Variants in MNAT1 observed in about 807,000 individuals in gnomAD.
The protein encoded by MNAT1 is CDK-activating kinase assembly factor MAT1.
In MNAT1, 43 loss-of-function variants were observed where a neutral mutation model predicts 42.0. The ratio of observed to expected loss-of-function variants is 1.02; its 90% CI spans 0.80 to 1.32. The LOEUF is 1.32. Among genes scored for constraint, MNAT1 ranks in the 40% most tolerant of loss-of-function variants. The pLI is 0.00. For synonymous variants in MNAT1, 118 were observed against 120.0 expected, an observed-to-expected ratio of 0.98 and a Z score of 0.11; for missense variants, 306 against 350.4, an observed-to-expected ratio of 0.87 and a Z score of 1.01.
chr14:60,921,393 G>T (rs2035656718), intron 7 of MNAT1, among the ~76,000 whole-genome samples: 1 of 152,036 alleles, frequency 6.6e-6, no homozygotes, highest in Non-Finnish European at 1.5e-5. Context: ...GCAAACAGAA[G>T]AAAAATTACC....
intron 1 of MNAT1, among the ~76,000 whole-genome samples, chr14:60,782,564 T>C (rs2031501190): frequency 6.6e-6 from 1 of 152,238 alleles, no homozygotes; most frequent in African/African-American, 2.4e-5. Context: ...TGGTCCTTAC[T>C]GGGTATTCCT....
At chr14:60,891,741 CTG>C (rs1217351136) in intron 7 of MNAT1, among the ~76,000 whole-genome samples, 1 of 152,172 alleles carries the variant, frequency 6.6e-6, no homozygotes, top group African/African-American at 2.4e-5. Context: ...GTGTGAGACA[CTG>C]TGCTTGGTCA....
intron 1 of MNAT1, among the ~76,000 whole-genome samples, chr14:60,754,172 T>C (rs2030225328): frequency 6.6e-6 from 1 of 152,242 alleles, no homozygotes; most frequent in Non-Finnish European, 1.5e-5. Flanking sequence ...TTTTGTGAGA[T>C]AATAAATTGT....
intron 6 of MNAT1, among the ~76,000 whole-genome samples, chr14:60,844,136 C>CCTA (rs2033621553): frequency 6.6e-6 from 1 of 151,984 alleles, no homozygotes; most frequent in South Asian, 2.1e-4. Context: ...GTTTCAATAA[C>CCTA]TTATCTTGAT....
chr14:60,770,997 C>T (rs547038284), intron 1 of MNAT1, among the ~76,000 whole-genome samples: 1 of 152,214 alleles, frequency 6.6e-6, no homozygotes, highest in South Asian at 2.1e-4. Flanking sequence ...AATTATACTG[C>T]TGTAACATTC....
At chr14:60,914,996 A>T (rs2035481002) in intron 7 of MNAT1, among the ~76,000 whole-genome samples, 1 of 152,188 alleles carries the variant, frequency 6.6e-6, no homozygotes, top group Non-Finnish European at 1.5e-5. Flanking sequence ...TTATTCTGAA[A>T]TATTTCAAGG....
At chr14:60,888,117 A>G (rs569575762) in intron 7 of MNAT1, among the ~76,000 whole-genome samples, 1 of 147,404 alleles carries the variant, frequency 6.8e-6, no homozygotes, top group East Asian at 2.0e-4. Flanking sequence ...CATCATCCTG[A>G]TACCAAAGCT....
chr14:60,760,152 A>T (rs950084590), intron 1 of MNAT1, among the ~76,000 whole-genome samples: 1 of 152,196 alleles, frequency 6.6e-6, no homozygotes, highest in Non-Finnish European at 1.5e-5. Context: ...TGGTCATATT[A>T]TTTGAAATTT....
chr14:60,891,495 A>G (rs1295201866), intron 7 of MNAT1, among the ~76,000 whole-genome samples: 2 of 151,618 alleles, frequency 1.3e-5, no homozygotes, highest in Non-Finnish European at 2.9e-5. Context: ...TCTGTTGCCC[A>G]CGCCAGAGTG....
chr14:60,869,319 G>T (rs1392564765), intron 6 of MNAT1, among the ~76,000 whole-genome samples: 1 of 151,768 alleles, frequency 6.6e-6, no homozygotes, highest in African/African-American at 2.4e-5. Flanking sequence ...AGGATTACAG[G>T]CGTGAGCCAC....
chr14:60,847,419 A>G (rs1436096131), intron 6 of MNAT1, among the ~76,000 whole-genome samples: 1 of 151,944 alleles, frequency 6.6e-6, no homozygotes, highest in Non-Finnish European at 1.5e-5. Context: ...AAAAAAAAAA[A>G]AGACTTGTTT....
chr14:60,734,964 G>A lies in MNAT1; in HGVS notation c.89+13G>A, dbSNP rs375033610. On this transcript the variant is annotated intron_variant, in intron 1 of 7. Transcript: ENST00000261245. This position sits in a 1 kb window ranked among gnomAD's most constrained non-coding sequence, Gnocchi z 4.3. ...GCGGACACACTCTGTGAGTTGGGCG[G>A]CAGTGGATTCCCTGGGGGAGAGACG... 8.9e-4 allele frequency: 1,439 copies of A among 1,613,628 alleles called. 1 individual carries two copies. Among genetic ancestry groups the A allele is most frequent in the Non-Finnish European group, 1.2e-3 (1,372 of 1,179,510 alleles).
At chr14:60,951,196 A>T (rs188885548) in intron 7 of MNAT1, among the ~76,000 whole-genome samples, 1 of 151,994 alleles carries the variant, frequency 6.6e-6, no homozygotes. Flanking sequence ...AAAAAATTCT[A>T]AACTTAATAT....
intron 1 of MNAT1, among the ~76,000 whole-genome samples, chr14:60,735,481 T>A (rs1896278824): frequency 6.6e-6 from 1 of 152,150 alleles, no homozygotes; most frequent in African/African-American, 2.4e-5. Flanking sequence ...TGTAGGTAGT[T>A]AATTTTGAAG....
intron 6 of MNAT1, among the ~76,000 whole-genome samples, chr14:60,839,960 C>T (rs532288342): frequency 2.4e-4 from 36 of 152,268 alleles, no homozygotes; most frequent in East Asian, 2.3e-3. Flanking sequence ...CGTATCAGGC[C>T]GAGGGGGTGG....
intron 1 of MNAT1, chr14:60,780,065 A>T (rs2140313406): frequency 6.8e-7 from 1 of 1,478,488 alleles, no homozygotes; most frequent in Admixed American, 1.7e-5. Flanking sequence ...CGGCATCAAC[A>T]GCATTTTATA....
At chr14:60,956,718 CT>C (rs1383114624) in intron 7 of MNAT1, among the ~76,000 whole-genome samples, 1 of 152,172 alleles carries the variant, frequency 6.6e-6, no homozygotes, top group Non-Finnish European at 1.5e-5. Context: ...GTTATATCCT[CT>C]TGATTAATTG....
At chr14:60,742,122 A>G (rs185213761) in intron 1 of MNAT1, among the ~76,000 whole-genome samples, 2 of 151,768 alleles carry the variant, frequency 1.3e-5, no homozygotes, top group Admixed American at 6.6e-5. Flanking sequence ...ATCTCACTCT[A>G]TCACCCAGGC....
At chr14:60,899,760 G>A (rs1197756579) in intron 7 of MNAT1, among the ~76,000 whole-genome samples, 1 of 152,140 alleles carries the variant, frequency 6.6e-6, no homozygotes, top group Admixed American at 6.6e-5. Context: ...AAATACAGGT[G>A]TACCTCATTT....
Sources: allele counts gnomAD v4.1 joint callset (sites outside exome capture counted in the v4.1 genomes callset), GRCh38; gene constraint gnomAD v4.1.1; non-coding constraint Gnocchi (gnomAD v3.1); transcripts MANE v1.5; gene names NCBI Gene and HGNC (gene_info 2026-07-23, HGNC 2026-07-21).